The following ARID1B variants were observed in gnomAD, a reference collection of about 807,000 sequenced individuals.
ARID1B encodes the protein AT-rich interactive domain-containing protein 1B.
ARID1B carries 30 observed loss-of-function variants against 212.3 expected under a neutral mutation model. The observed-to-expected ratio is 0.14, with a 90% CI of 0.11 to 0.19. The LOEUF is 0.19. Ranked by LOEUF, ARID1B falls within the 10% of genes least tolerant of loss-of-function variation. The pLI is 1.00. For synonymous variants in ARID1B, 1,402 were observed against 1,301.7 expected (o/e 1.08, Z -1.66); for missense variants, 2,891 against 3,204.0 (o/e 0.90, Z 2.36).
At chr6:156,865,736 A>G (rs1362975112) in intron 2 of ARID1B, among the ~76,000 whole-genome samples, 1 of 151,308 alleles carries the variant, frequency 6.6e-6, no homozygotes, top group South Asian at 2.1e-4. Flanking sequence ...AAAGTTTTTC[A>G]TTTCAATTAT....
chr6:156,851,168 C>G (rs1484935512), intron 2 of ARID1B, among the ~76,000 whole-genome samples: 1 of 152,082 alleles, frequency 6.6e-6, no homozygotes, highest in African/African-American at 2.4e-5. Flanking sequence ...ACTCAGTTAC[C>G]TTGGCCTCTC....
chr6:156,973,557 A>G (rs1350156192), intron 4 of ARID1B, among the ~76,000 whole-genome samples: 1 of 152,246 alleles, frequency 6.6e-6, no homozygotes, highest in Non-Finnish European at 1.5e-5. Context: ...TGGTTTAAAC[A>G]GAACTTAGTT....
intron 7 of ARID1B, among the ~76,000 whole-genome samples, chr6:157,133,602 C>T (rs895000588): frequency 3.3e-5 from 5 of 152,158 alleles, no homozygotes; most frequent in Admixed American, 6.5e-5. Flanking sequence ...TAGTGATCAC[C>T]GTCAAAACCC....
chr6:156,948,481 C>T (rs1289729466), intron 4 of ARID1B, among the ~76,000 whole-genome samples: 1 of 152,182 alleles, frequency 6.6e-6, no homozygotes, highest in Non-Finnish European at 1.5e-5. Flanking sequence ...CTCATGTGGT[C>T]CTCCCACCTC....
chr6:156,812,950 G>C (rs1461019124), intron 1 of ARID1B, among the ~76,000 whole-genome samples: 34 of 130,462 alleles, frequency 2.6e-4, no homozygotes, highest in Non-Finnish European at 3.2e-5. Flanking sequence ...GTGTGTGTGT[G>C]TGTGTGTGTG....
At position 157,121,020 on chromosome 6, in the gene ARID1B, C is replaced by T. The variant is rs532172486; in HGVS notation, c.2581+10459C>T. Among the ~76,000 whole-genome samples the T allele has an allele frequency of 3.9e-5, 6 of 152,274 alleles. No homozygotes were observed. The East Asian group carries it at 1.2e-3, about 29-fold the overall frequency. On this transcript the variant is annotated intron_variant, in intron 6 of 19. Transcript: ENST00000636930. ...TCATGCTTGACTCTACTTTTTCCAA[C>T]AGGATTTAAAGTTTCTAATGCTTAC...
At position 156,778,349 on chromosome 6, in the gene ARID1B, GGGCGGCGCGGGC is replaced by G. The variant is rs761104507; in HGVS notation, c.679_690del (p.Gly227_Ala230del). Reference sequence around the variant, plus strand: ...ATCCCATTTCCAACAACAACAGCTTGGGCGGCGCGGGCGGCGGCGCGCCTCAGCCCGGCCCCG... The same window carrying G: ...ATCCCATTTCCAACAACAACAGCTTGGGCGGCGCGCCTCAGCCCGGCCCCG... On this transcript the variant is annotated inframe_deletion, in exon 1 of 20. Transcript: ENST00000636930. The G allele has an allele frequency of 1.5e-4, 224 of 1,540,000 alleles. 3 individuals are homozygous for G. In the South Asian group the frequency reaches 1.7e-3, roughly 12 times the overall value.
rs567719662 is a variant in ARID1B, at chr6:156,893,045, C to CTTTT, written c.1987-8319_1987-8316dup. Among the ~76,000 whole-genome samples, 26 of 85,918 alleles carry CTTTT rather than the reference C, an allele frequency of 3.0e-4. 2 individuals carry two copies. The highest frequency in any genetic ancestry group is 8.9e-4 in the African/African-American group (19 of 21,322). 56.4% of individuals were successfully genotyped at this position (85,918 alleles called of 152,430 possible). A position where few individuals can be genotyped will look rare whatever the true frequency, so the allele number is the denominator to read the frequency against. ...AACTCTTTTTTTTTCTTTTTTCTTC[C>CTTTT]TTTTTTTTTTTTTTTGAGATGGAGT... On this transcript the variant is annotated intron_variant, in intron 2 of 19. Coordinates refer to ENST00000636930, the MANE Select transcript of ARID1B (RefSeq NM_001374828.1).
chr6:156,868,125 G>A (rs957434761), intron 2 of ARID1B, among the ~76,000 whole-genome samples: 3 of 152,290 alleles, frequency 2.0e-5, no homozygotes, highest in Non-Finnish European at 2.9e-5. Context: ...GTGCACAAAC[G>A]TCTGATTCAT....
chr6:156,947,388 G>A (rs1583008981), intron 4 of ARID1B, among the ~76,000 whole-genome samples: 1 of 152,162 alleles, frequency 6.6e-6, no homozygotes, highest in Middle Eastern at 3.4e-3. Context: ...GGGGATATAG[G>A]TATGTATGGC....
rs117291849 is a variant in ARID1B at position 157,141,737 on chromosome 6, C to T, written c.2762-6887C>T. Among the ~76,000 whole-genome samples, 54 of 152,156 alleles carry T rather than the reference C, an allele frequency of 3.5e-4. No homozygotes were observed. The East Asian group carries it at 4.0e-3, about 11-fold the overall frequency. Reference sequence around the variant, plus strand: ...ATTAGGGAAATGAAAACTAAAGCCACGTTGATTTCTATTACATACTGATTC... The same window carrying T: ...ATTAGGGAAATGAAAACTAAAGCCATGTTGATTTCTATTACATACTGATTC... On this transcript the variant is annotated intron_variant, in intron 7 of 19. Coordinates refer to ENST00000636930, the MANE Select transcript of ARID1B (RefSeq NM_001374828.1).
intron 6 of ARID1B, among the ~76,000 whole-genome samples, chr6:157,121,875 G>A (rs997621376): frequency 1.3e-5 from 2 of 152,182 alleles, no homozygotes; most frequent in Non-Finnish European, 2.9e-5. Flanking sequence ...TGATCCACCC[G>A]CCTCAGCCTC....
At chr6:156,894,774 T>G (rs1197057052) in intron 2 of ARID1B, among the ~76,000 whole-genome samples, 1 of 152,226 alleles carries the variant, frequency 6.6e-6, no homozygotes, top group Non-Finnish European at 1.5e-5. Context: ...AAAGCTCACA[T>G]CAAGGAGGTT....
chr6:156,884,902 C>A (rs1015130742), intron 2 of ARID1B, among the ~76,000 whole-genome samples: 1 of 152,120 alleles, frequency 6.6e-6, no homozygotes, highest in Non-Finnish European at 1.5e-5. Flanking sequence ...GAAGTCCTTC[C>A]GGACTACAGT....
chr6:156,980,886 T>C (rs1206610945), intron 4 of ARID1B, among the ~76,000 whole-genome samples: 1 of 152,222 alleles, frequency 6.6e-6, no homozygotes, highest in Non-Finnish European at 1.5e-5. Context: ...GAAAATCTTT[T>C]ATTATTTTAG....
intron 8 of ARID1B, among the ~76,000 whole-genome samples, chr6:157,156,118 C>T (rs1790557958): frequency 6.6e-6 from 1 of 152,166 alleles, no homozygotes. Context: ...GGGCAAAAAA[C>T]TTCGAAATGT....
intron 4 of ARID1B, among the ~76,000 whole-genome samples, chr6:157,084,161 C>G (rs1372759943): frequency 6.9e-6 from 1 of 145,938 alleles, no homozygotes; most frequent in Non-Finnish European, 1.5e-5. Context: ...AAAAAACTTT[C>G]TCATCACAAA....
At chr6:157,152,724 G>A (rs1790293951) in intron 8 of ARID1B, among the ~76,000 whole-genome samples, 1 of 152,184 alleles carries the variant, frequency 6.6e-6, no homozygotes, top group African/African-American at 2.4e-5. Flanking sequence ...TTATTTAACA[G>A]CTTGTTGCAG....
intron 4 of ARID1B, among the ~76,000 whole-genome samples, chr6:157,065,287 CCT>C (rs1175000485): frequency 1.3e-5 from 2 of 152,088 alleles, no homozygotes; most frequent in East Asian, 1.9e-4. Context: ...GGTAAAATTG[CCT>C]CTCTTTTTTT....
Sources: allele counts gnomAD v4.1 joint callset (sites outside exome capture counted in the v4.1 genomes callset), GRCh38; gene constraint gnomAD v4.1.1; transcripts MANE v1.5; gene names NCBI Gene and HGNC (gene_info 2026-07-23, HGNC 2026-07-21).